Variants in CHEK1 observed in about 807,000 individuals in gnomAD.
The protein encoded by CHEK1 is checkpoint kinase 1.
Under a neutral mutation model 60.2 loss-of-function variants are expected in CHEK1, and 32 were observed. The observed-to-expected ratio is 0.53, with a 90% CI of 0.40 to 0.71. The LOEUF is 0.71. CHEK1 is among the 30% of genes least tolerant of loss of function. The pLI, the probability that CHEK1 is intolerant of heterozygous loss-of-function variation, is 0.00. For synonymous variants in CHEK1, 179 were observed against 187.2 expected (o/e 0.96, Z 0.36); for missense variants, 399 against 564.6 (o/e 0.71, Z 2.97).
At chr11:125,678,007 A>G, downstream of CHEK1, 1 of 1,613,966 alleles carries the variant, frequency 6.2e-7, no homozygotes. Flanking sequence ...TGTTCTCCTG[A>G]AGGCTGCTCA....
In CHEK1 at chr11:125,625,860, AGCC is replaced by A. The variant is rs756532713; in HGVS notation, c.-168_-166del. On this transcript the variant is annotated 5_prime_UTR_variant, in exon 1 of 13. Transcript: ENST00000438015. ...CAACATCTCCACGTCACCCTTTTGG[AGCC>A]GCCGACATTCAGAGGGGCAGGACAC... 3 of 702,592 alleles carry A rather than the reference AGCC, an allele frequency of 4.3e-6. No homozygotes were observed. In the South Asian group the frequency reaches 4.4e-5, roughly 10 times the overall value. The allele number at this position is 702,592 out of a possible 1,614,324, so 43.5% of individuals were successfully genotyped here.
At chr11:125,629,178 T>C (rs1304957054) in intron 3 of CHEK1, 54 bp from the exon 4 acceptor site, 2 of 1,532,710 alleles carry the variant, frequency 1.3e-6, no homozygotes, top group Non-Finnish European at 9.0e-7. Flanking sequence ...AGAAGCTATG[T>C]GGTTGCTACC....
chr11:125,631,776 C>G (rs1940869316), intron 5 of CHEK1, among the ~76,000 whole-genome samples: 1 of 141,806 alleles, frequency 7.1e-6, no homozygotes, highest in South Asian at 2.3e-4. Context: ...GAGGATTGAT[C>G]ACTTCAGCCT....
chr11:125,674,356 GAAGT>G (rs1942378210), intron 13 of CHEK1, among the ~76,000 whole-genome samples: 1 of 152,174 alleles, frequency 6.6e-6, no homozygotes, highest in African/African-American at 2.4e-5. Context: ...TCTTAGGAAG[GAAGT>G]GAGACTGAAC....
intron 5 of CHEK1, among the ~76,000 whole-genome samples, chr11:125,632,373 T>C (rs868310228): frequency 5.8e-4 from 88 of 152,232 alleles, no homozygotes; most frequent in African/African-American, 2.2e-4. Flanking sequence ...TGCCCTCTGA[T>C]AATAGAGGGC....
chr11:125,636,163 A>T (rs1007277684), intron 7 of CHEK1: 2 of 152,146 alleles, frequency 1.3e-5, no homozygotes, highest in Non-Finnish European at 2.9e-5. Flanking sequence ...GCCCATAAGT[A>T]TGTAAAATGA....
downstream of CHEK1, among the ~76,000 whole-genome samples, chr11:125,680,138 A>G (rs1485794699): frequency 1.3e-5 from 2 of 152,230 alleles, no homozygotes; most frequent in African/African-American, 4.8e-5. Context: ...TATAGAAAAT[A>G]CATTGTTTTT....
At position 125,655,400 on chromosome 11, in the gene CHEK1, G is replaced by C; in HGVS notation, c.*80G>C. 1.0e-6 allele frequency: 1 copy of C among 985,486 alleles called. No homozygotes were observed. 61.0% of individuals were successfully genotyped at this position (985,486 alleles called of 1,614,324 possible). A position where few individuals can be genotyped will look rare whatever the true frequency, so the allele number is the denominator to read the frequency against. ...TATTCTTCCTAGAGAAGATTATCCT[G>C]TCCTGCAAACTGCAAATAGTAGTTC... On this transcript the variant is annotated 3_prime_UTR_variant, in exon 13 of 13. Coordinates refer to ENST00000438015, the MANE Select transcript of CHEK1 (RefSeq NM_001114122.3).
chr11:125,633,503 C>T (rs1940946760), intron 6 of CHEK1, 152 bp downstream of exon 6: 3 of 597,074 alleles, frequency 5.0e-6, no homozygotes, highest in Non-Finnish European at 7.7e-6. Flanking sequence ...GACTGGAGTA[C>T]AGTGAGCTGT....
rs761760690 is a variant in CHEK1 at position 125,637,547 on chromosome 11, A to G, written c.814+3A>G. 9 of 1,591,652 alleles carry G rather than the reference A, an allele frequency of 5.7e-6. No homozygotes were observed. The highest frequency in any genetic ancestry group is 2.3e-5 in the East Asian group (1 of 44,288). ...GTACAACAAACCCCTCAAGAAAGGT[A>G]ATATCCTTAAACTACAAGTTTGTTT... On this transcript the variant is annotated splice_donor_region_variant and intron_variant, in intron 8 of 12. Transcript: ENST00000438015.
chr11:125,644,545 C>T lies in CHEK1; in HGVS notation c.1135C>T (p.Arg379Ter), dbSNP rs756054805. 1.5e-5 allele frequency: 24 copies of T among 1,613,840 alleles called. No individual in the cohort carries two copies. Among genetic ancestry groups the T allele is most frequent in the East Asian group, 4.5e-5 (2 of 44,880 alleles). The stretch of plus-strand genomic sequence containing the variant: ...GCAGCGGTTGGTCAAAAGAATGACA[C>T]GATTCTTTACCAAATTGGATGCAGA... The part of the protein sequence containing the change: ...PWQRLVKRMT[R>*]FFTKLDADKS... The change falls in exon 11 of 13, where the codon CGA (arginine) becomes TGA (stop). Residue 379 changes from arginine to a stop codon, truncating the protein, a stop_gained. Coordinates refer to ENST00000438015, the MANE Select transcript of CHEK1 (RefSeq NM_001114122.3). LOFTEE classifies it high-confidence loss of function.
chr11:125,626,823 G>A lies in CHEK1; in HGVS notation c.55G>A (p.Ala19Thr). 3.7e-6 allele frequency: 6 copies of A among 1,614,170 alleles called. No individual in the cohort carries two copies. Among genetic ancestry groups the A allele is most frequent in the Non-Finnish European group, 4.2e-6 (5 of 1,180,032 alleles). The change falls in exon 2 of 13, where the codon GCC becomes ACC. Residue 19 changes from alanine to threonine, a missense_variant. Ala to Thr is a moderately conservative substitution (Grantham distance 58). Transcript: ENST00000438015. ...CTTGGTGCAAACCCTGGGAGAAGGT[G>A]CCTATGGAGAGTGAGTTCTTTTAAG... ...WDLVQTLGEGAYGEVQLAVNR... is the reference protein window; with the variant it reads ...WDLVQTLGEGTYGEVQLAVNR...
downstream of CHEK1, chr11:125,678,012 T>C (rs1942608440): frequency 1.9e-6 from 3 of 1,614,160 alleles, no homozygotes; most frequent in Non-Finnish European, 1.7e-6. Flanking sequence ...TCCTGAAGGC[T>C]GCTCACCTAC....
chr11:125,625,397 G>C lies in CHEK1; in HGVS notation c.-636G>C, dbSNP rs1940541049. 7.4e-6 allele frequency: 2 copies of C among 269,216 alleles called. No homozygotes were observed. Among genetic ancestry groups the C allele is most frequent in the Admixed American group, 4.8e-5 (1 of 20,716 alleles). 16.7% of individuals were successfully genotyped at this position (269,216 alleles called of 1,614,324 possible). ...ACTTGACTGCGTGGCCAGTTCTTTC[G>C]AAGCCTCTCGCTCCCAACACGGAGT... On this transcript the variant is annotated 5_prime_UTR_variant, in exon 1 of 13. Transcript: ENST00000438015.
intron 13 of CHEK1, chr11:125,672,320 G>A (rs1005965358): frequency 7.6e-5 from 27 of 356,234 alleles, no homozygotes; most frequent in African/African-American, 5.3e-4. Context: ...AAAAAGGTCT[G>A]TCTTGAGCCT....
At chr11:125,674,410 AAG>A (rs1299130032) in intron 13 of CHEK1, among the ~76,000 whole-genome samples, 1 of 152,350 alleles carries the variant, frequency 6.6e-6, no homozygotes, top group African/African-American at 2.4e-5. Context: ...TTAGAAAGGA[AAG>A]AGGATAATTT....
chr11:125,634,891 A>G (rs1378786916), intron 6 of CHEK1, among the ~76,000 whole-genome samples: 1 of 152,088 alleles, frequency 6.6e-6, no homozygotes, highest in Non-Finnish European at 1.5e-5. Context: ...CACAACACTT[A>G]TCTCTCCTGT....
downstream of CHEK1, chr11:125,678,364 A>T (rs933800230): frequency 2.4e-5 from 37 of 1,554,264 alleles, no homozygotes; most frequent in Admixed American, 2.2e-4. Flanking sequence ...CTATCTTCCT[A>T]TGGAGTTAGG....
intron 13 of CHEK1, chr11:125,672,585 C>G: frequency 1.2e-6 from 2 of 1,613,608 alleles, no homozygotes; most frequent in Non-Finnish European, 1.7e-6. Flanking sequence ...AAGCAAGGGC[C>G]CAGGCTTCTA....
Sources: allele counts gnomAD v4.1 joint callset (sites outside exome capture counted in the v4.1 genomes callset), GRCh38; gene constraint gnomAD v4.1.1; transcripts MANE v1.5; gene names NCBI Gene and HGNC (gene_info 2026-07-23, HGNC 2026-07-21).